Variants in CFAP92 observed in about 807,000 individuals in gnomAD.
CFAP92 encodes the protein cilia and flagella associated protein 92 (putative), also known as uncharacterized protein CFAP92.
Under a neutral mutation model 106.3 loss-of-function variants are expected in CFAP92, and 86 were observed. The ratio of observed to expected loss-of-function variants is 0.81; its 90% CI spans 0.68 to 0.97. The LOEUF (loss-of-function observed/expected upper bound fraction) is 0.97. CFAP92 is among the 50% of genes least tolerant of loss of function. CFAP92 has a pLI of 0.00. For synonymous variants in CFAP92, 477 were observed against 506.4 expected (o/e 0.94, Z 0.78); for missense variants, 1,204 against 1,283.8 (o/e 0.94, Z 0.95).
intron 15 of CFAP92, 40 bp from the exon 16 acceptor site, chr3:128,910,373 C>A (rs1318697048): frequency 6.9e-7 from 1 of 1,456,850 alleles, no homozygotes; most frequent in Non-Finnish European, 9.0e-7. Flanking sequence ...TTCCTGATCC[C>A]AGTGCCCCTA....
intron 10 of CFAP92, among the ~76,000 whole-genome samples, chr3:128,942,757 C>G (rs909041251): frequency 1.3e-5 from 2 of 151,638 alleles, no homozygotes; most frequent in African/African-American, 4.8e-5. Context: ...TCACTGCAAC[C>G]TCCGCCCACG....
chr3:128,965,147 C>T (rs997633725), intron 9 of CFAP92, among the ~76,000 whole-genome samples: 4 of 152,186 alleles, frequency 2.6e-5, no homozygotes, highest in Non-Finnish European at 5.9e-5. Flanking sequence ...CTCCCCCACC[C>T]TTAAGAAGGT....
chr3:128,988,985 T>G, intron 2 of CFAP92, 67 bp from the exon 3 acceptor site: 2 of 1,222,422 alleles, frequency 1.6e-6, no homozygotes, highest in African/African-American at 1.5e-5. Context: ...GTCTCCCCAG[T>G]TCCCTGGAGC....
chr3:128,912,877 G>T (rs760273213), intron 15 of CFAP92: 4 of 611,796 alleles, frequency 6.5e-6, no homozygotes, highest in South Asian at 4.2e-5. Flanking sequence ...GGGTATTCTG[G>T]TCATTGAGGA....
chr3:128,912,811 C>T lies in CFAP92; in HGVS notation c.3280+2308G>A, dbSNP rs758867335. On this transcript the variant is annotated intron_variant, in intron 15 of 15. Coordinates refer to ENST00000645291, the MANE Select transcript of CFAP92 (RefSeq NM_001394090.1). ...GCAGTGCTCTCTAACAGGACCATCA[C>T]AGCTTCTGAACTGAGCCGGAGAGAG... is the stretch of plus-strand genomic sequence containing the variant. 3.0e-5 allele frequency: 22 copies of T among 722,192 alleles called. No homozygotes were observed. Among genetic ancestry groups the T allele is most frequent in the South Asian group, 8.2e-5 (6 of 73,382 alleles). The allele number at this position is 722,192 out of a possible 1,614,324, so 44.7% of individuals were successfully genotyped here. A position where few individuals can be genotyped will look rare whatever the true frequency, so the allele number is the denominator to read the frequency against.
chr3:128,998,199 C>T (rs1220454396), upstream of CFAP92, among the ~76,000 whole-genome samples: 1 of 152,124 alleles, frequency 6.6e-6, no homozygotes, highest in Non-Finnish European at 1.5e-5. Context: ...GAATATAAGT[C>T]CTTTACTGGG....
chr3:128,992,436 C>T (rs543118783), intron 2 of CFAP92, among the ~76,000 whole-genome samples: 3 of 152,024 alleles, frequency 2.0e-5, no homozygotes, highest in African/African-American at 7.2e-5. Context: ...GTGGCGTGCA[C>T]CTGTAATCCC....
intron 9 of CFAP92, among the ~76,000 whole-genome samples, chr3:128,962,488 G>T (rs561883276): frequency 6.6e-6 from 1 of 152,110 alleles, no homozygotes; most frequent in East Asian, 1.9e-4. Context: ...CAAATTATCT[G>T]CTTCCCTGAC....
the CFAP92 span, among the ~76,000 whole-genome samples, chr3:129,019,060 C>T: frequency 7.9e-5 from 12 of 152,180 alleles, no homozygotes; most frequent in African/African-American, 2.9e-4. Flanking sequence ...AGAACTGTCC[C>T]AGGAGAGGGG....
At position 128,945,943 on chromosome 3, in the gene CFAP92, C is replaced by T; in HGVS notation, c.1386G>A (p.Gln462=). Residue 462 remains glutamine, a synonymous_variant, in exon 10 of 16, where the codon CAG becomes CAA. Transcript: ENST00000645291. ...RLCMPVYCKY[Q]FHKTPVHKTK... ...TCTTGTGAACTGGAGTCTTATGGAACTGGTACTTGCAGTACACAGGCATGC... is the reference window on the plus strand; with the variant it reads ...TCTTGTGAACTGGAGTCTTATGGAATTGGTACTTGCAGTACACAGGCATGC... 6.9e-7 allele frequency: 1 copy of T among 1,447,374 alleles called. No individual in the cohort carries two copies. The highest frequency in any genetic ancestry group is 9.0e-7 in the Non-Finnish European group (1 of 1,107,158). The allele number at this position is 1,447,374 out of a possible 1,614,324, so 89.7% of individuals were successfully genotyped here.
chr3:128,956,683 TA>T (rs1009703358), intron 9 of CFAP92, among the ~76,000 whole-genome samples: 52 of 147,598 alleles, frequency 3.5e-4, no homozygotes, highest in Middle Eastern at 3.4e-3. Context: ...TTTCAAGTGT[TA>T]AAAAAAAAAA....
rs565740860 is a variant in CFAP92, at chr3:128,922,166, C to T, written c.2752-5895G>A. On this transcript the variant is annotated intron_variant, in intron 12 of 15. Coordinates refer to ENST00000645291, the MANE Select transcript of CFAP92 (RefSeq NM_001394090.1). ...CATTCTGGCTAACACGGTGAAACCC[C>T]GTCTCTACTAAAAATACAAAAAAAA... Among the ~76,000 whole-genome samples the T allele has an allele frequency of 8.8e-4, 133 of 151,408 alleles. No homozygotes were observed. In the East Asian group the frequency reaches 0.014, roughly 16 times the overall value.
chr3:128,961,436 C>T (rs1050104025), intron 9 of CFAP92, among the ~76,000 whole-genome samples: 1 of 152,144 alleles, frequency 6.6e-6, no homozygotes, highest in Non-Finnish European at 1.5e-5. Flanking sequence ...CTTCCTCAGC[C>T]TCCGCTCCTC....
chr3:128,918,489 A>C lies in CFAP92; in HGVS notation c.2752-2218T>G, dbSNP rs141019636. On this transcript the variant is annotated intron_variant, in intron 12 of 15. Transcript: ENST00000645291. ...CTCCGTCTCAAAAAAACAAAACAAA[A>C]GTCACAAAACTCTTTGGAGAAATTC... 6.2e-4 allele frequency among the ~76,000 whole-genome samples: 95 copies of C among 152,286 alleles called. 1 individual carries two copies. In the East Asian group the frequency reaches 0.017, roughly 27 times the overall value.
rs80066070 is a variant in CFAP92 at position 128,926,113 on chromosome 3, G to A, written c.2751+6587C>T. Reference sequence around the variant, plus strand: ...AAATACAACTAGATTTATTTTAAATGGAGAAAATAAATAAATTTGAACAAG... The same window carrying A: ...AAATACAACTAGATTTATTTTAAATAGAGAAAATAAATAAATTTGAACAAG... On this transcript the variant is annotated intron_variant, in intron 12 of 15. Transcript: ENST00000645291. 4.5e-3 allele frequency among the ~76,000 whole-genome samples: 692 copies of A among 152,274 alleles called. 2 individuals are homozygous for A. The highest frequency in any genetic ancestry group is 0.016 in the African/African-American group (651 of 41,542).
chr3:129,003,908 G>T (rs986963883), upstream of CFAP92: 4 of 1,351,148 alleles, frequency 3.0e-6, no homozygotes, highest in Admixed American at 3.7e-5. Context: ...GGAGGCCCGC[G>T]CTGGGCGGCT....
At chr3:128,972,461 C>T (rs1459203949) in intron 7 of CFAP92, among the ~76,000 whole-genome samples, 1 of 151,768 alleles carries the variant, frequency 6.6e-6, no homozygotes, top group African/African-American at 2.4e-5. Flanking sequence ...AGGCTGGTCT[C>T]GAACTCCTGA....
chr3:128,973,857 T>G (rs1173473087), intron 7 of CFAP92, among the ~76,000 whole-genome samples: 1 of 152,200 alleles, frequency 6.6e-6, no homozygotes, highest in Non-Finnish European at 1.5e-5. Context: ...GCACGGGGAC[T>G]GTGTGCATGC....
chr3:128,960,342 A>G (rs1219461549), intron 9 of CFAP92, among the ~76,000 whole-genome samples: 1 of 152,198 alleles, frequency 6.6e-6, no homozygotes, highest in Non-Finnish European at 1.5e-5. Flanking sequence ...ATCCACCTCT[A>G]TGACCTCAGG....
Sources: allele counts gnomAD v4.1 joint callset (sites outside exome capture counted in the v4.1 genomes callset), GRCh38; gene constraint gnomAD v4.1.1; transcripts MANE v1.5; gene names NCBI Gene and HGNC (gene_info 2026-07-23, HGNC 2026-07-21).